The following UBE2V2 variants were observed in gnomAD, a reference collection of about 807,000 sequenced individuals.
UBE2V2 encodes ubiquitin conjugating enzyme E2 V2, also known as ubiquitin-conjugating enzyme E2 variant 2.
Under a neutral mutation model 17.2 loss-of-function variants are expected in UBE2V2, and 9 were observed. The observed-to-expected ratio is 0.52, with a 90% confidence interval of 0.32 to 0.91. The LOEUF (loss-of-function observed/expected upper bound fraction) is 0.91, where lower values mean the gene tolerates loss of function less well. Ranked by LOEUF, UBE2V2 falls within the 40% of genes least tolerant of loss-of-function variation. The pLI is 0.04. For synonymous variants in UBE2V2, 61 were observed against 57.5 expected (o/e 1.06, Z -0.28); for missense variants, 133 against 182.6 (o/e 0.73, Z 1.56).
In UBE2V2 at chr8:48,062,914, T is replaced by A. The variant is rs978037136; in HGVS notation, c.*2086T>A. The A allele has an allele frequency of 6.6e-6, 1 of 152,188 alleles. No individual in the cohort carries two copies. The highest frequency in any genetic ancestry group is 6.5e-5 in the Admixed American group (1 of 15,282). 9.4% of individuals were successfully genotyped at this position (152,188 alleles called of 1,614,324 possible). ...AATGAACTATTACCTTGAAATATAG[T>A]CTTTAAAAATTTTTAATGGTTAAAG... On this transcript the variant is annotated 3_prime_UTR_variant, in exon 4 of 4. Transcript: ENST00000523111.
chr8:48,050,069 A>C, intron 3 of UBE2V2, 91 bp downstream of exon 3: 2 of 962,266 alleles, frequency 2.1e-6, no homozygotes. Flanking sequence ...GTAAGATATT[A>C]ATATGTAGTT....
At chr8:48,058,320 T>C (rs186233194) in intron 3 of UBE2V2, among the ~76,000 whole-genome samples, 25 of 151,990 alleles carry the variant, frequency 1.6e-4, no homozygotes, top group African/African-American at 6.0e-4. Context: ...TACAAAAAAT[T>C]AGCCGGGTAT....
intron 1 of UBE2V2, among the ~76,000 whole-genome samples, chr8:48,029,801 A>T (rs941748733): frequency 2.0e-5 from 3 of 152,194 alleles, no homozygotes; most frequent in Admixed American, 1.3e-4. Context: ...ATAAACAGTG[A>T]TTTGGAGAGA....
At chr8:48,046,856 C>T (rs986123443) in intron 2 of UBE2V2, among the ~76,000 whole-genome samples, 10 of 151,882 alleles carry the variant, frequency 6.6e-5, no homozygotes, top group Non-Finnish European at 1.3e-4. Context: ...CTGCCGTGGC[C>T]TCCCAAAGTG....
intron 1 of UBE2V2, among the ~76,000 whole-genome samples, chr8:48,022,936 G>A (rs781358380): frequency 2.0e-5 from 3 of 151,780 alleles, no homozygotes; most frequent in Admixed American, 1.3e-4. Flanking sequence ...CAGCCCCTGC[G>A]AGCGCTTTAA....
chr8:48,046,987 C>G (rs934850201), intron 2 of UBE2V2, among the ~76,000 whole-genome samples: 19 of 150,558 alleles, frequency 1.3e-4, no homozygotes, highest in Admixed American at 7.3e-4. Flanking sequence ...GTTGCCCAGG[C>G]TGGAGTTCAG....
intron 1 of UBE2V2, chr8:48,042,454 T>C (rs1328989197): frequency 1.3e-5 from 2 of 152,184 alleles, no homozygotes; most frequent in Non-Finnish European, 2.9e-5. Flanking sequence ...GTGAATTTGC[T>C]TTAGAAGTCC....
chr8:48,051,880 AC>A (rs535905631), intron 3 of UBE2V2, among the ~76,000 whole-genome samples: 80 of 148,446 alleles, frequency 5.4e-4, no homozygotes, highest in African/African-American at 8.0e-4. Flanking sequence ...GGCCATTAAC[AC>A]CCCCCCACCC....
intron 1 of UBE2V2, among the ~76,000 whole-genome samples, chr8:48,012,872 G>A (rs2091243392): frequency 6.6e-6 from 1 of 151,964 alleles, no homozygotes; most frequent in Non-Finnish European, 1.5e-5. Context: ...TCGGGATGGA[G>A]TCTTGCTCTG....
chr8:48,037,138 C>T (rs943217291), intron 1 of UBE2V2, among the ~76,000 whole-genome samples: 1 of 152,252 alleles, frequency 6.6e-6, no homozygotes, highest in African/African-American at 2.4e-5. Flanking sequence ...GAGATCGTGC[C>T]ATTGCACTCT....
chr8:48,000,058 A>G, the UBE2V2 span, among the ~76,000 whole-genome samples: 1 of 152,272 alleles, frequency 6.6e-6, no homozygotes, highest in African/African-American at 2.4e-5. Flanking sequence ...TACCAGGCCC[A>G]GGCCATGGCA....
At chr8:48,042,988 A>C in intron 1 of UBE2V2, 45 bp from the exon 2 acceptor site, 1 of 1,383,288 alleles carries the variant, frequency 7.2e-7, no homozygotes, top group Non-Finnish European at 9.5e-7. Context: ...TGTAGCTCTT[A>C]TAATTATGAG....
intron 1 of UBE2V2, among the ~76,000 whole-genome samples, chr8:48,038,928 A>ATTT (rs757136193): frequency 7.9e-6 from 1 of 127,356 alleles, no homozygotes. Flanking sequence ...AATAATCCTG[A>ATTT]TTTTTTTTTT....
chr8:48,011,196 C>T (rs1278980305), intron 1 of UBE2V2, among the ~76,000 whole-genome samples: 4 of 152,088 alleles, frequency 2.6e-5, no homozygotes, highest in Admixed American at 6.5e-5. Flanking sequence ...GAAACGGAGT[C>T]TCGCCTTGTT....
At chr8:48,005,020 TCC>T (rs796179831), upstream of UBE2V2, among the ~76,000 whole-genome samples, 581 of 138,280 alleles carry the variant, frequency 4.2e-3, 4 homozygotes, top group South Asian at 0.026. Context: ...CTACTTTTTC[TCC>T]TTTTTTTTTT....
chr8:48,022,137 T>G (rs1563850745), intron 1 of UBE2V2, among the ~76,000 whole-genome samples: 1 of 151,764 alleles, frequency 6.6e-6, no homozygotes, highest in Non-Finnish European at 1.5e-5. Context: ...TGTCACAGTT[T>G]GGATCTTTTT....
At chr8:48,039,854 T>A (rs2091449669) in intron 1 of UBE2V2, among the ~76,000 whole-genome samples, 1 of 152,002 alleles carries the variant, frequency 6.6e-6, no homozygotes, top group African/African-American at 2.4e-5. Context: ...ACCTTCTGAA[T>A]AGCTGGGACC....
rs947267958 is a variant in UBE2V2 at position 48,009,375 on chromosome 8, C to T, written c.16+905C>T. Reference sequence around the variant, plus strand: ...CCACCTCCCAGGTTCAAGTGATTCTCCTGCCTCAGCCTCCCAAGTAGCTGG... The same window carrying T: ...CCACCTCCCAGGTTCAAGTGATTCTTCTGCCTCAGCCTCCCAAGTAGCTGG... On this transcript the variant is annotated intron_variant, in intron 1 of 3. Coordinates refer to ENST00000523111, the MANE Select transcript of UBE2V2 (RefSeq NM_003350.3). Among the ~76,000 whole-genome samples the T allele has an allele frequency of 6.3e-4, 95 of 151,484 alleles. 1 individual carries two copies. Among genetic ancestry groups the T allele is most frequent in the Non-Finnish European group, 1.3e-4 (9 of 67,918 alleles).
chr8:48,028,402 A>C (rs918686240), intron 1 of UBE2V2, among the ~76,000 whole-genome samples: 2 of 142,746 alleles, frequency 1.4e-5, no homozygotes, highest in Non-Finnish European at 3.1e-5. Flanking sequence ...GCAATGGCGC[A>C]ATCTTGGCTC....
Sources: allele counts gnomAD v4.1 joint callset (sites outside exome capture counted in the v4.1 genomes callset), GRCh38; gene constraint gnomAD v4.1.1; transcripts MANE v1.5; gene names NCBI Gene and HGNC (gene_info 2026-07-23, HGNC 2026-07-21).